Variants in HIGD1C observed in about 807,000 individuals in gnomAD.
The protein encoded by HIGD1C is HIG1 domain family member 1C.
HIGD1C carries 11 observed loss-of-function variants against 13.1 expected under a neutral mutation model. The ratio of observed to expected loss-of-function variants is 0.84; its 90% CI spans 0.53 to 1.39. The LOEUF (loss-of-function observed/expected upper bound fraction) is 1.39, where lower values mean the gene tolerates loss of function less well. HIGD1C is among the 40% of genes most tolerant of loss of function. The pLI is 0.00. For synonymous variants in HIGD1C, 36 were observed against 37.7 expected, an observed-to-expected ratio of 0.95 and a Z score of 0.17; for missense variants, 110 against 112.0, an observed-to-expected ratio of 0.98 and a Z score of 0.08.
upstream of HIGD1C, among the ~76,000 whole-genome samples, chr12:50,952,041 T>C (rs1938915990): frequency 6.7e-6 from 1 of 148,958 alleles, no homozygotes; most frequent in African/African-American, 2.5e-5. Context: ...ATGATCCTAA[T>C]TGGATGCTAG....
chr12:50,967,133 A>G (rs971314930), intron 2 of HIGD1C, among the ~76,000 whole-genome samples: 5 of 150,508 alleles, frequency 3.3e-5, no homozygotes, highest in African/African-American at 9.8e-5. Flanking sequence ...AAAAAGAAAG[A>G]GAAATAGGGT....
the HIGD1C span, among the ~76,000 whole-genome samples, chr12:50,933,677 G>A: frequency 1.3e-5 from 2 of 152,048 alleles, no homozygotes; most frequent in Non-Finnish European, 2.9e-5. Context: ...AGACCAATCT[G>A]ATTTAACCTT....
intron 1 of HIGD1C, among the ~76,000 whole-genome samples, chr12:50,955,390 C>A (rs1270629224): frequency 6.6e-6 from 1 of 152,174 alleles, no homozygotes; most frequent in Non-Finnish European, 1.5e-5. Flanking sequence ...CTTTAAAAAA[C>A]CCCACAAAAC....
chr12:50,932,825 C>T, the HIGD1C span, among the ~76,000 whole-genome samples: 2 of 152,162 alleles, frequency 1.3e-5, no homozygotes, highest in Non-Finnish European at 1.5e-5. Flanking sequence ...ATCTCTTGAA[C>T]GTGAAAAGTT....
chr12:50,961,110 G>A lies in HIGD1C; in HGVS notation c.229+8G>A, dbSNP rs758799316. 38 of 1,612,764 alleles carry A rather than the reference G, an allele frequency of 2.4e-5. No individual in the cohort carries two copies. The highest frequency in any genetic ancestry group is 3.0e-5 in the Non-Finnish European group (35 of 1,179,392). On this transcript the variant is annotated splice_region_variant and intron_variant, in intron 2 of 2. Transcript: ENST00000398455. ...TTGGAGCTGTGACTCTAGGTAACCC[G>A]CTTAATTTGTATCTTATGTTCAGCT...
intron 2 of HIGD1C, among the ~76,000 whole-genome samples, chr12:50,964,144 T>C (rs563806270): frequency 2.1e-5 from 3 of 145,528 alleles, no homozygotes; most frequent in South Asian, 4.6e-4. Flanking sequence ...ACGTGGGGAA[T>C]AGAAAAAAAT....
intron 1 of HIGD1C, among the ~76,000 whole-genome samples, chr12:50,956,699 C>G (rs1280923296): frequency 6.6e-6 from 1 of 152,074 alleles, no homozygotes; most frequent in African/African-American, 2.4e-5. Context: ...TTAATACTCC[C>G]TATTCTTATT....
intron 2 of HIGD1C, among the ~76,000 whole-genome samples, chr12:50,962,411 A>C (rs988750250): frequency 6.7e-6 from 1 of 150,208 alleles, no homozygotes; most frequent in East Asian, 1.9e-4. Flanking sequence ...AACTCCATCT[A>C]AAAAAAAGCC....
chr12:50,946,088 G>A, the HIGD1C span, among the ~76,000 whole-genome samples: 1 of 152,132 alleles, frequency 6.6e-6, no homozygotes, highest in Non-Finnish European at 1.5e-5. Context: ...ATTCAAGATG[G>A]ATTAAAGACT....
the HIGD1C span, among the ~76,000 whole-genome samples, chr12:50,942,645 T>C: frequency 6.6e-6 from 1 of 152,064 alleles, no homozygotes; most frequent in Non-Finnish European, 1.5e-5. Context: ...GGCAGGAGGA[T>C]TGCCTGAGTT....
At chr12:50,944,157 C>A in the HIGD1C span, among the ~76,000 whole-genome samples, 1 of 152,054 alleles carries the variant, frequency 6.6e-6, no homozygotes, top group Non-Finnish European at 1.5e-5. Context: ...CTCACAGATC[C>A]CTTCTCCTGA....
At chr12:50,941,564 GA>G in the HIGD1C span, among the ~76,000 whole-genome samples, 9 of 152,260 alleles carry the variant, frequency 5.9e-5, no homozygotes, top group South Asian at 1.7e-3. Flanking sequence ...ACAACCTTGA[GA>G]ATCTGATGAA....
At chr12:50,946,604 G>T in the HIGD1C span, among the ~76,000 whole-genome samples, 1,229 of 152,266 alleles carry the variant, frequency 8.1e-3, 16 homozygotes, top group African/African-American at 0.028. Flanking sequence ...AGGATGTGGA[G>T]AAATAGGAAC....
chr12:50,960,997 T>C (rs374819592), exon 2 of HIGD1C: 14 of 1,604,234 alleles, frequency 8.7e-6, no homozygotes, highest in East Asian at 4.5e-5. Flanking sequence ...TGTGGTGTCC[T>C]GTGGTCTTTA....
chr12:50,941,258 GATTACAACC>G, the HIGD1C span, among the ~76,000 whole-genome samples: 1 of 152,140 alleles, frequency 6.6e-6, no homozygotes, highest in Admixed American at 6.5e-5. Context: ...AAAGTGCTGA[GATTACAACC>G]ATGAGCCACT....
downstream of HIGD1C, among the ~76,000 whole-genome samples, chr12:50,971,754 G>C (rs370885248): frequency 6.6e-6 from 1 of 152,162 alleles, no homozygotes; most frequent in African/African-American, 2.4e-5. Context: ...GATGATTTCT[G>C]GTGGGTACTT....
the HIGD1C span, among the ~76,000 whole-genome samples, chr12:50,934,614 A>C: frequency 1.3e-5 from 2 of 152,252 alleles, no homozygotes; most frequent in South Asian, 2.1e-4. Flanking sequence ...CAGCGAATGT[A>C]ATCTGACCTA....
At chr12:50,937,251 G>C in the HIGD1C span, among the ~76,000 whole-genome samples, 1 of 152,194 alleles carries the variant, frequency 6.6e-6, no homozygotes, top group Non-Finnish European at 1.5e-5. Context: ...AAACCCAGCA[G>C]GGCTGCACTT....
chr12:50,935,548 G>A, the HIGD1C span: 2 of 152,132 alleles, frequency 1.3e-5, no homozygotes, highest in African/African-American at 4.8e-5. Flanking sequence ...TAATGAGGTG[G>A]TGTGATCATG....
Sources: gnomAD v4.1 joint callset for allele counts (sites outside exome capture counted in the v4.1 genomes callset) on GRCh38, gnomAD v4.1.1 for gene constraint, MANE v1.5 for transcripts, NCBI Gene and HGNC (gene_info 2026-07-23, HGNC 2026-07-21) for gene names.